The following DGKA variants were observed in gnomAD, a reference collection of about 807,000 sequenced individuals.
The protein encoded by DGKA is 80 kDa diacylglycerol kinase.
DGKA carries 35 observed loss-of-function variants against 105.0 expected under a neutral mutation model. That is an observed-to-expected ratio of 0.33 (90% CI 0.25 to 0.44). The LOEUF (loss-of-function observed/expected upper bound fraction) is 0.44, where lower values mean the gene tolerates loss of function less well. DGKA is among the 20% of genes least tolerant of loss of function. DGKA has a pLI of 1.00. For synonymous variants in DGKA, 296 were observed against 332.0 expected (o/e 0.89, Z 1.18); for missense variants, 665 against 915.0 (o/e 0.73, Z 3.53).
At chr12:55,931,428 T>TGA (rs1883603945) in intron 1 of DGKA, 84 bp downstream of exon 1, 1 of 152,212 alleles carries the variant, frequency 6.6e-6, no homozygotes, top group African/African-American at 2.4e-5. Flanking sequence ...GGAGAGAACA[T>TGA]GAGTCTTGAC....
At chr12:55,937,214 C>T in intron 3 of DGKA, 124 bp downstream of exon 3, 1 of 1,234,644 alleles carries the variant, frequency 8.1e-7, no homozygotes, top group Non-Finnish European at 1.2e-6. Flanking sequence ...CCCTAGTGTC[C>T]ATTGTCACTC....
chr12:55,935,149 A>G (rs1479594625), intron 1 of DGKA, among the ~76,000 whole-genome samples: 1 of 152,190 alleles, frequency 6.6e-6, no homozygotes, highest in Admixed American at 6.5e-5. Flanking sequence ...ATAATTTCCT[A>G]TGTCTGATGA....
Position 55,940,048 on chromosome 12 carries a change from A to C in DGKA, c.710-34A>C, listed in dbSNP as rs1182872363. 1 of 1,583,020 alleles carries C rather than the reference A, an allele frequency of 6.3e-7. No homozygotes were observed. Among genetic ancestry groups the C allele is most frequent in the Admixed American group, 1.7e-5 (1 of 59,984 alleles). On this transcript the variant is annotated intron_variant, in intron 9 of 23. Coordinates refer to ENST00000331886, the MANE Select transcript of DGKA (RefSeq NM_001345.5). This position sits in a 1 kb window ranked among gnomAD's most constrained non-coding sequence, Gnocchi z 4.3. ...AAGAAGGAAATAGGGGGAGAGGCTC[A>C]GCTAAGCCTCCCAACTTCTTCCTTC...
At chr12:55,927,456 C>T, upstream of DGKA, 1 of 691,634 alleles carries the variant, frequency 1.4e-6, no homozygotes, top group Admixed American at 2.4e-5. Flanking sequence ...CACCTGCACC[C>T]AAAAAGGGGG....
chr12:55,938,662 G>T, intron 6 of DGKA, 102 bp downstream of exon 6: 3 of 1,607,494 alleles, frequency 1.9e-6, no homozygotes, highest in Non-Finnish European at 2.6e-6. Flanking sequence ...GAAGAGGATG[G>T]GGGGAGAGGT....
chr12:55,941,046 G>A (rs1885858652), intron 13 of DGKA, 66 bp downstream of exon 13: 1 of 1,534,180 alleles, frequency 6.5e-7, no homozygotes, highest in African/African-American at 1.4e-5. Flanking sequence ...CTCATGGGTG[G>A]GAATGAAGTG....
chr12:55,930,611 C>A (rs1236157186), upstream of DGKA: 1 of 152,264 alleles, frequency 6.6e-6, no homozygotes. Context: ...CGTGATCCGC[C>A]TGCCTCAGCC....
intron 1 of DGKA, among the ~76,000 whole-genome samples, chr12:55,934,065 C>A (rs965492046): frequency 6.6e-6 from 1 of 152,172 alleles, no homozygotes; most frequent in African/African-American, 2.4e-5. Context: ...CTTGCCTGTC[C>A]AATTTGCAAG....
intron 4 of DGKA, 95 bp downstream of exon 4, chr12:55,937,638 T>C: frequency 6.7e-7 from 1 of 1,500,620 alleles, no homozygotes; most frequent in Non-Finnish European, 9.1e-7. Context: ...TCACACGTTG[T>C]GCAGGTTGGG....
chr12:55,942,285 T>G lies in DGKA; in HGVS notation c.1426+22T>G, dbSNP rs1201066212. The G allele has an allele frequency of 2.5e-6, 4 of 1,611,414 alleles. No individual in the cohort carries two copies. In the African/African-American group the frequency reaches 4.0e-5, roughly 16 times the overall value. ...GGAGGTAAGTGGTTAGAAATTGTTT[T>G]GCTGTAGGCTGAGAGGAGTTGTGTA... On this transcript the variant is annotated intron_variant, in intron 17 of 23. Transcript: ENST00000331886.
In DGKA at chr12:55,940,778, A is replaced by G; in HGVS notation, c.1017+56A>G. 6.3e-7 allele frequency: 1 copy of G among 1,597,298 alleles called. No homozygotes were observed. Among genetic ancestry groups the G allele is most frequent in the Non-Finnish European group, 8.6e-7 (1 of 1,164,818 alleles). On this transcript the variant is annotated intron_variant, in intron 12 of 23. Coordinates refer to ENST00000331886, the MANE Select transcript of DGKA (RefSeq NM_001345.5). This position sits in a 1 kb window ranked among gnomAD's most constrained non-coding sequence, Gnocchi z 4.3. The stretch of plus-strand genomic sequence containing the variant: ...CAGGAGTGCCTCCCCGATTTCCCAC[A>G]CGCACAGAGTGGCATTTAGAATAGA...
chr12:55,928,056 GC>G (rs1883232076), upstream of DGKA: 1 of 460,494 alleles, frequency 2.2e-6, no homozygotes, highest in African/African-American at 2.1e-5. Flanking sequence ...GTCCTGCCCT[GC>G]GCCGTACCTC....
chr12:55,930,020 A>G (rs1333479700), upstream of DGKA, among the ~76,000 whole-genome samples: 2 of 152,240 alleles, frequency 1.3e-5, no homozygotes, highest in African/African-American at 2.4e-5. Context: ...TGAGTGCCTT[A>G]GAGATTAATA....
Position 55,932,730 on chromosome 12 carries a change from C to T in DGKA, c.-82+1386C>T. On this transcript the variant is annotated intron_variant, in intron 1 of 23. Coordinates refer to ENST00000331886, the MANE Select transcript of DGKA (RefSeq NM_001345.5). This position sits in a 1 kb window ranked among gnomAD's most constrained non-coding sequence, Gnocchi z 4.3. The stretch of plus-strand genomic sequence containing the variant: ...ACACGCACACACACACACACACACA[C>T]ACACACACACAACCCCCTCAGCCAG... 3.2e-6 allele frequency: 2 copies of T among 626,742 alleles called. No individual in the cohort carries two copies. Among genetic ancestry groups the T allele is most frequent in the East Asian group, 2.8e-5 (1 of 36,016 alleles). The allele number at this position is 626,742 out of a possible 1,614,324, so 38.8% of individuals were successfully genotyped here.
Position 55,941,505 on chromosome 12 carries a change from C to A in DGKA, c.1176-5C>A. Reference sequence around the variant, plus strand: ...GCCATGAACTTTTCTTTTTCCCACACACAGGGTGCTCTGGAAGTTCCAGTA... The same window carrying A: ...GCCATGAACTTTTCTTTTTCCCACAAACAGGGTGCTCTGGAAGTTCCAGTA... On this transcript the variant is annotated splice_region_variant and splice_polypyrimidine_tract_variant and intron_variant, in intron 14 of 23. Transcript: ENST00000331886. 6.2e-7 allele frequency: 1 copy of A among 1,614,150 alleles called. No homozygotes were observed. Among genetic ancestry groups the A allele is most frequent in the African/African-American group, 1.3e-5 (1 of 75,042 alleles).
At chr12:55,935,745 T>C (rs1318770309) in intron 1 of DGKA, 1 of 362,446 alleles carries the variant, frequency 2.8e-6, no homozygotes, top group South Asian at 1.1e-4. Flanking sequence ...CGCGCCTAGT[T>C]CCCCACCCTT....
At position 55,932,741 on chromosome 12, in the gene DGKA, A is replaced by AC. The variant is rs1883902524; in HGVS notation, c.-82+1397_-82+1398insC. 2.0e-6 allele frequency: 1 copy of AC among 497,274 alleles called. No homozygotes were observed. The allele number at this position is 497,274 out of a possible 1,614,324, so 30.8% of individuals were successfully genotyped here. A position where few individuals can be genotyped will look rare whatever the true frequency, so the allele number is the denominator to read the frequency against. On this transcript the variant is annotated intron_variant, in intron 1 of 23. Coordinates refer to ENST00000331886, the MANE Select transcript of DGKA (RefSeq NM_001345.5). This position sits in a 1 kb window ranked among gnomAD's most constrained non-coding sequence, Gnocchi z 4.3. Reference sequence around the variant, plus strand: ...CACACACACACACACACACACACACAACCCCCTCAGCCAGGTGTAGCACTG... The same window carrying AC: ...CACACACACACACACACACACACACACACCCCCTCAGCCAGGTGTAGCACTG...
At chr12:55,945,564 G>A (rs1307276881) in intron 17 of DGKA, among the ~76,000 whole-genome samples, 1 of 152,124 alleles carries the variant, frequency 6.6e-6, no homozygotes, top group Non-Finnish European at 1.5e-5. Context: ...TTTTCTAGAG[G>A]CTCTAGGGAA....
intron 1 of DGKA, 146 bp from the exon 2 acceptor site, chr12:55,936,277 G>A: frequency 4.4e-6 from 4 of 917,908 alleles, no homozygotes; most frequent in Non-Finnish European, 6.2e-6. Context: ...GAGGGACACA[G>A]GGAAAGGAAG....
Sources: gnomAD v4.1 joint callset for allele counts (sites outside exome capture counted in the v4.1 genomes callset) on GRCh38, gnomAD v4.1.1 for gene constraint, Gnocchi (gnomAD v3.1) non-coding constraint, MANE v1.5 for transcripts, NCBI Gene and HGNC (gene_info 2026-07-23, HGNC 2026-07-21) for gene names.